Variants in LRRC4C observed in about 807,000 individuals in gnomAD.
LRRC4C encodes leucine-rich repeat-containing protein 4C.
In LRRC4C, 5 loss-of-function variants were observed where a neutral mutation model predicts 33.6. That is an observed-to-expected ratio of 0.15 (90% confidence interval 0.08 to 0.31). LRRC4C has a LOEUF of 0.31. Among genes scored for constraint, LRRC4C ranks in the 10% least tolerant of loss-of-function variants. The probability of loss-of-function intolerance (pLI) is 1.00; values close to 1 mark genes in which losing one functional copy is unlikely to be tolerated. For synonymous variants in LRRC4C, 329 were observed against 302.0 expected (o/e 1.09, Z -0.93); for missense variants, 560 against 796.7 (o/e 0.70, Z 3.58).
intron 4 of LRRC4C, among the ~76,000 whole-genome samples, chr11:40,244,204 C>G (rs997082441): frequency 6.6e-6 from 1 of 152,002 alleles, no homozygotes; most frequent in Non-Finnish European, 1.5e-5. Flanking sequence ...ATATGTTGGC[C>G]TCAGAAACTT....
At chr11:40,610,755 G>GT (rs1241021822) in intron 3 of LRRC4C, among the ~76,000 whole-genome samples, 10 of 151,676 alleles carry the variant, frequency 6.6e-5, no homozygotes, top group Admixed American at 2.0e-4. Flanking sequence ...GCAAATTAAG[G>GT]AAACAGTCCC....
At chr11:41,196,691 G>A (rs1027255170) in intron 1 of LRRC4C, among the ~76,000 whole-genome samples, 1 of 151,978 alleles carries the variant, frequency 6.6e-6, no homozygotes, top group African/African-American at 2.4e-5. Flanking sequence ...ATAGATGGAT[G>A]GACAGATAAA....
intron 4 of LRRC4C, among the ~76,000 whole-genome samples, chr11:40,302,856 G>A (rs1036849590): frequency 6.6e-6 from 1 of 152,120 alleles, no homozygotes; most frequent in Admixed American, 6.6e-5. Flanking sequence ...GCCAAGAACA[G>A]CAAGTCTGGA....
At chr11:41,424,608 A>G (rs116001419) in intron 1 of LRRC4C, among the ~76,000 whole-genome samples, 2,132 of 152,188 alleles carry the variant, frequency 0.014, 51 homozygotes, top group African/African-American at 0.047. Flanking sequence ...GTTACCAAGT[A>G]CCAAGATGGA....
chr11:41,321,779 G>A (rs897290574), intron 1 of LRRC4C, among the ~76,000 whole-genome samples: 44 of 152,086 alleles, frequency 2.9e-4, no homozygotes, highest in African/African-American at 9.7e-4. Context: ...TCCCAGTTAC[G>A]AGGTAGATGA....
At chr11:40,818,584 GA>G (rs896399194) in intron 2 of LRRC4C, among the ~76,000 whole-genome samples, 15 of 151,662 alleles carry the variant, frequency 9.9e-5, no homozygotes, top group Admixed American at 7.9e-4. Context: ...CTATGATAAG[GA>G]AAAAAATGAT....
intron 2 of LRRC4C, among the ~76,000 whole-genome samples, chr11:40,681,927 GACTTTGGGA>G (rs1277014020): frequency 1.3e-5 from 2 of 152,044 alleles, no homozygotes; most frequent in African/African-American, 4.8e-5. Flanking sequence ...TGATTCAATG[GACTTTGGGA>G]ACTTTGGGGG....
chr11:41,159,561 A>G (rs1257722136), intron 1 of LRRC4C, among the ~76,000 whole-genome samples: 1 of 152,160 alleles, frequency 6.6e-6, no homozygotes, highest in Non-Finnish European at 1.5e-5. Flanking sequence ...TAATAATAAC[A>G]ACATTTAATA....
chr11:40,960,538 T>C (rs1850904469), intron 1 of LRRC4C, among the ~76,000 whole-genome samples: 1 of 151,750 alleles, frequency 6.6e-6, no homozygotes, highest in Admixed American at 6.6e-5. Context: ...TAGTGTGACC[T>C]CTGCATACAC....
At position 41,298,614 on chromosome 11, in the gene LRRC4C, G is replaced by A. The variant is rs537526465; in HGVS notation, c.-496+160817C>T. On this transcript the variant is annotated intron_variant, in intron 1 of 6. Coordinates refer to ENST00000528697, the MANE Select transcript of LRRC4C (RefSeq NM_001258419.2). The stretch of plus-strand genomic sequence containing the variant: ...AAACAACAAAATAAAACAAACACAA[G>A]AATATATATTTTTCTCTTGATTGAT... 5.9e-5 allele frequency among the ~76,000 whole-genome samples: 9 copies of A among 152,190 alleles called. No individual in the cohort carries two copies. In the South Asian group the frequency reaches 1.9e-3, roughly 32 times the overall value.
chr11:40,329,909 T>C (rs1334134108), intron 3 of LRRC4C, among the ~76,000 whole-genome samples: 2 of 151,870 alleles, frequency 1.3e-5, no homozygotes, highest in African/African-American at 4.8e-5. Context: ...ACCCGGCTAA[T>C]TTTTTGTATT....
intron 4 of LRRC4C, among the ~76,000 whole-genome samples, chr11:40,245,257 T>A (rs1300372395): frequency 6.6e-6 from 1 of 152,206 alleles, no homozygotes; most frequent in Non-Finnish European, 1.5e-5. Flanking sequence ...TGTAACTCTG[T>A]ACATTTTATT....
chr11:40,755,358 G>A, intron 2 of LRRC4C, among the ~76,000 whole-genome samples: 1 of 152,038 alleles, frequency 6.6e-6, no homozygotes, highest in Non-Finnish European at 1.5e-5. Flanking sequence ...GATAATAAAA[G>A]TAAGACACAG....
chr11:41,285,928 C>T (rs561440836), intron 1 of LRRC4C, among the ~76,000 whole-genome samples: 1 of 152,226 alleles, frequency 6.6e-6, no homozygotes, highest in South Asian at 2.1e-4. Context: ...CTCCCAGGTT[C>T]AAGCAATTCT....
At chr11:40,655,504 C>T (rs1047802020) in intron 2 of LRRC4C, among the ~76,000 whole-genome samples, 17 of 152,134 alleles carry the variant, frequency 1.1e-4, no homozygotes, top group African/African-American at 3.6e-4. Context: ...GTTCACATAA[C>T]AGAAGGAAAA....
intron 1 of LRRC4C, among the ~76,000 whole-genome samples, chr11:41,017,820 G>A (rs1316078748): frequency 6.7e-6 from 1 of 150,344 alleles, no homozygotes; most frequent in Non-Finnish European, 1.5e-5. Context: ...AAAACATATG[G>A]CAAAATACAC....
chr11:41,098,933 C>T (rs901874730), intron 1 of LRRC4C, among the ~76,000 whole-genome samples: 9 of 151,752 alleles, frequency 5.9e-5, no homozygotes, highest in Non-Finnish European at 1.0e-4. Context: ...AAGATAGAGA[C>T]GCTGCTAGCT....
At chr11:40,972,554 T>C (rs1378956274) in intron 1 of LRRC4C, among the ~76,000 whole-genome samples, 1 of 152,100 alleles carries the variant, frequency 6.6e-6, no homozygotes, top group Non-Finnish European at 1.5e-5. Flanking sequence ...CAGGGTAGTT[T>C]ATAAAGGAAA....
chr11:41,403,571 A>G (rs763151855), intron 1 of LRRC4C, among the ~76,000 whole-genome samples: 140 of 152,176 alleles, frequency 9.2e-4, no homozygotes, highest in Non-Finnish European at 8.5e-4. Flanking sequence ...TATGATAACT[A>G]TGCAAGCTGT....
Sources: allele counts gnomAD v4.1 joint callset (sites outside exome capture counted in the v4.1 genomes callset), GRCh38; gene constraint gnomAD v4.1.1; transcripts MANE v1.5; gene names NCBI Gene and HGNC (gene_info 2026-07-23, HGNC 2026-07-21).